DOCK8: variants seen among roughly 807,000 people sequenced by gnomAD.
DOCK8 encodes dedicator of cytokinesis 8.
A neutral mutation model predicts 245.6 loss-of-function variants in DOCK8; 141 were observed. The ratio of observed to expected loss-of-function variants is 0.57; its 90% CI spans 0.50 to 0.66. The LOEUF (loss-of-function observed/expected upper bound fraction) is 0.66, where lower values mean the gene tolerates loss of function less well. Among genes scored for constraint, DOCK8 ranks in the 30% least tolerant of loss-of-function variants. DOCK8 has a pLI of 0.00. For missense variants in DOCK8, 2,965 were observed against 2,603.4 expected (o/e 1.14, Z -3.02); for synonymous variants, 1,168 against 970.2 (o/e 1.20, Z -3.79).
At chr9:309,058 T>G (rs2049980011) in intron 5 of DOCK8, among the ~76,000 whole-genome samples, 2 of 152,234 alleles carry the variant, frequency 1.3e-5, no homozygotes. Context: ...TCTATTGTTT[T>G]GCTATCACGA....
rs1587149955 is a variant in DOCK8, at chr9:465,188, A to G, written c.*969A>G. 1 of 152,682 alleles carries G rather than the reference A, an allele frequency of 6.5e-6. No homozygotes were observed. The highest frequency in any genetic ancestry group is 1.9e-4 in the East Asian group (1 of 5,202). 9.5% of individuals were successfully genotyped at this position (152,682 alleles called of 1,614,324 possible). A position where few individuals can be genotyped will look rare whatever the true frequency, so the allele number is the denominator to read the frequency against. On this transcript the variant is annotated 3_prime_UTR_variant, in exon 48 of 48. Transcript: ENST00000432829. ...AACAAAGACATTATTTGAGAATTAA[A>G]TTATATATTTTTAATATGACTGTGA...
intron 14 of DOCK8, among the ~76,000 whole-genome samples, chr9:350,388 C>T (rs781701778): frequency 5.3e-5 from 8 of 152,180 alleles, no homozygotes; most frequent in Non-Finnish European, 1.2e-4. Context: ...CTGGGAGGTG[C>T]CACTCTTCTT....
At chr9:242,078 A>G (rs1219732463) in intron 1 of DOCK8, among the ~76,000 whole-genome samples, 1 of 152,230 alleles carries the variant, frequency 6.6e-6, no homozygotes, top group Non-Finnish European at 1.5e-5. Context: ...GTGTTGGTAC[A>G]TGCGATCTGC....
At chr9:359,236 A>G (rs374080022) in intron 14 of DOCK8, among the ~76,000 whole-genome samples, 34 of 152,366 alleles carry the variant, frequency 2.2e-4, no homozygotes, top group Admixed American at 5.2e-4. Flanking sequence ...TTATAAGACT[A>G]CATTACAATA....
intron 12 of DOCK8, among the ~76,000 whole-genome samples, chr9:337,682 G>C (rs1048268472): frequency 8.5e-5 from 13 of 152,146 alleles, no homozygotes; most frequent in African/African-American, 3.1e-4. Context: ...TCCTAGACTT[G>C]TCAACGGTAT....
intron 20 of DOCK8, among the ~76,000 whole-genome samples, chr9:377,667 T>C (rs565107575): frequency 6.6e-6 from 1 of 152,342 alleles, no homozygotes; most frequent in South Asian, 2.1e-4. Flanking sequence ...TATAGTTCAT[T>C]GGTTTTTAGT....
chr9:319,786 A>G (rs114949757), intron 7 of DOCK8, among the ~76,000 whole-genome samples: 1,927 of 148,722 alleles, frequency 0.013, 38 homozygotes, highest in African/African-American at 0.044. Flanking sequence ...TTGTAACAGA[A>G]AAAAAAAAAA....
At chr9:227,838 A>T (rs772886459) in intron 1 of DOCK8, among the ~76,000 whole-genome samples, 11 of 152,272 alleles carry the variant, frequency 7.2e-5, no homozygotes, top group Middle Eastern at 6.8e-3. Flanking sequence ...CTGTCAATCC[A>T]TACAAAAAGA....
At chr9:440,926 G>A (rs1357310126) in intron 40 of DOCK8, among the ~76,000 whole-genome samples, 1 of 151,948 alleles carries the variant, frequency 6.6e-6, no homozygotes, top group Non-Finnish European at 1.5e-5. Context: ...GCAGAGATGG[G>A]GTCTCCCTAT....
chr9:354,488 A>G (rs2052330257), intron 14 of DOCK8, among the ~76,000 whole-genome samples: 1 of 152,260 alleles, frequency 6.6e-6, no homozygotes, highest in Admixed American at 6.5e-5. Context: ...CTATTGCTGT[A>G]TAACAAAACC....
intron 26 of DOCK8, among the ~76,000 whole-genome samples, chr9:400,393 A>T (rs200566419): frequency 4.1e-4 from 26 of 64,082 alleles, no homozygotes; most frequent in African/African-American, 1.9e-3. Context: ...CACCATCACC[A>T]CCACCTCCAC....
intron 1 of DOCK8, among the ~76,000 whole-genome samples, chr9:262,318 G>A (rs2047936516): frequency 6.6e-6 from 1 of 151,596 alleles, no homozygotes; most frequent in African/African-American, 2.4e-5. Flanking sequence ...CACTTTAACT[G>A]GTCATTTACC....
rs760083825 is a variant in DOCK8, at chr9:371,408, A to G, written c.1869-20A>G. 1.5e-5 allele frequency: 25 copies of G among 1,614,006 alleles called. 1 individual carries two copies. The Admixed American group carries it at 1.7e-4, about 11-fold the overall frequency. ...CATTCTTGCTAAAAGTTATTTGTGT[A>G]TAATGTGCTTTTGAAACAGGTCTCC... On this transcript the variant is annotated intron_variant, in intron 16 of 47. Coordinates refer to ENST00000432829, the MANE Select transcript of DOCK8 (RefSeq NM_203447.4).
At chr9:226,706 G>A (rs2046996755) in intron 1 of DOCK8, among the ~76,000 whole-genome samples, 1 of 152,150 alleles carries the variant, frequency 6.6e-6, no homozygotes, top group African/African-American at 2.4e-5. Flanking sequence ...AGGAGAAGCA[G>A]GCTTTTAGGG....
At chr9:232,989 AG>A (rs1199837157) in intron 1 of DOCK8, among the ~76,000 whole-genome samples, 1 of 152,070 alleles carries the variant, frequency 6.6e-6, no homozygotes, top group Non-Finnish European at 1.5e-5. Context: ...TTGTGATGTT[AG>A]GGTGTCAATT....
intron 1 of DOCK8, among the ~76,000 whole-genome samples, chr9:266,058 A>G (rs2048028154): frequency 6.6e-6 from 1 of 152,194 alleles, no homozygotes; most frequent in Non-Finnish European, 1.5e-5. Context: ...ACTGATGTCT[A>G]CATATCATGA....
At chr9:439,555 AT>A (rs1325065121) in intron 40 of DOCK8, among the ~76,000 whole-genome samples, 167 bp downstream of exon 40, 1 of 152,196 alleles carries the variant, frequency 6.6e-6, no homozygotes, top group East Asian at 1.9e-4. Flanking sequence ...ATGTATGCAA[AT>A]TGCATGAGCT....
intron 45 of DOCK8, among the ~76,000 whole-genome samples, chr9:450,914 A>G (rs2057409113): frequency 6.6e-6 from 1 of 151,642 alleles, no homozygotes; most frequent in Non-Finnish European, 1.5e-5. Flanking sequence ...AGATCAAGGC[A>G]ATCCTGATTT....
rs551528688 is a variant in DOCK8 at position 335,304 on chromosome 9, G to C, written c.1285+920G>C. Among the ~76,000 whole-genome samples, 12 of 152,232 alleles carry C rather than the reference G, an allele frequency of 7.9e-5. 1 individual carries two copies. Among genetic ancestry groups the C allele is most frequent in the African/African-American group, 2.6e-4 (11 of 41,548 alleles). On this transcript the variant is annotated intron_variant, in intron 11 of 47. Transcript: ENST00000432829. ...CAAAAGGGTTGCAAATTTTCAAGTAGACCTGCCCATATCACCTGTGGTGGG... is the reference window on the plus strand; with the variant it reads ...CAAAAGGGTTGCAAATTTTCAAGTACACCTGCCCATATCACCTGTGGTGGG...
Sources: allele counts gnomAD v4.1 joint callset (sites outside exome capture counted in the v4.1 genomes callset), GRCh38; gene constraint gnomAD v4.1.1; transcripts MANE v1.5; gene names NCBI Gene and HGNC (gene_info 2026-07-23, HGNC 2026-07-21).